Variants in ACTN4 observed in about 807,000 individuals in gnomAD.
ACTN4 encodes the protein alpha-actinin-4.
A neutral mutation model predicts 114.2 loss-of-function variants in ACTN4; 18 were observed. The ratio of observed to expected loss-of-function variants is 0.16; its 90% CI spans 0.11 to 0.23. ACTN4 has a LOEUF of 0.23. ACTN4 is among the 10% of genes least tolerant of loss of function. ACTN4 has a pLI of 1.00. For synonymous variants in ACTN4, 515 were observed against 506.3 expected (o/e 1.02, Z -0.23); for missense variants, 722 against 1,262.9 (o/e 0.57, Z 6.49).
At position 38,673,743 on chromosome 19, in the gene ACTN4, ATTTATATATATT is replaced by A. The variant is rs1470574282; in HGVS notation, c.162+25848_162+25859del. Among the ~76,000 whole-genome samples the A allele has an allele frequency of 2.7e-3, 251 of 93,454 alleles. 12 individuals are homozygous for A. The highest frequency in any genetic ancestry group is 8.8e-3 in the African/African-American group (240 of 27,288). 61.3% of individuals were successfully genotyped at this position (93,454 alleles called of 152,430 possible). ...TATATATACTTATATATATTTATAT[ATTTATATATATT>A]TTTATATATATATATTTATATATGT... On this transcript the variant is annotated intron_variant, in intron 1 of 20. Transcript: ENST00000252699.
intron 11 of ACTN4, among the ~76,000 whole-genome samples, chr19:38,720,210 G>A (rs1231416456): frequency 6.6e-6 from 1 of 152,348 alleles, no homozygotes; most frequent in African/African-American, 2.4e-5. Context: ...CGGGAGGGTC[G>A]TCGTGGATGC....
intron 1 of ACTN4, among the ~76,000 whole-genome samples, chr19:38,681,264 A>G (rs138919983): frequency 3.3e-5 from 5 of 152,096 alleles, no homozygotes; most frequent in East Asian, 1.9e-4. Flanking sequence ...AAATGCTCCA[A>G]CGTTGGCTCT....
Position 38,700,188 on chromosome 19 carries a change from C to G in ACTN4, c.163-412C>G, listed in dbSNP as rs187748693. 2.6e-5 allele frequency among the ~76,000 whole-genome samples: 4 copies of G among 152,244 alleles called. No individual in the cohort carries two copies. In the East Asian group the frequency reaches 7.7e-4, roughly 29 times the overall value. ...GCCCGACCTGTTCATTCCACACCAC[C>G]GAGCCTGGTGCTCAGTCATGTTTGT... On this transcript the variant is annotated intron_variant, in intron 1 of 20. Coordinates refer to ENST00000252699, the MANE Select transcript of ACTN4 (RefSeq NM_004924.6).
In ACTN4 at chr19:38,724,049, T is replaced by C; in HGVS notation, c.1664T>C (p.Phe555Ser). 6.2e-7 allele frequency: 1 copy of C among 1,613,754 alleles called. No homozygotes were observed. The highest frequency in any genetic ancestry group is 8.5e-7 in the Non-Finnish European group (1 of 1,179,992). The change falls in exon 14 of 21, where the codon TTC becomes TCC. Residue 555 changes from phenylalanine (F) to serine (S), a missense_variant. By Grantham distance (155) the Phe-to-Ser change is radical (BLOSUM62 -2). Coordinates refer to ENST00000252699, the MANE Select transcript of ACTN4 (RefSeq NM_004924.6). This position sits in a 1 kb window ranked among gnomAD's most constrained non-coding sequence, Gnocchi z 7.0. ...GCCATGGAGGACCTCCAGGACATGT[T>C]CATCGTCCATACCATCGAGGAGATT... ...ESAMEDLQDMFIVHTIEEIEG... is the reference protein window; with the variant it reads ...ESAMEDLQDMSIVHTIEEIEG...
chr19:38,691,406 A>AAAAAAAAAC (rs947259111), intron 1 of ACTN4, among the ~76,000 whole-genome samples: 22 of 147,874 alleles, frequency 1.5e-4, no homozygotes, highest in African/African-American at 5.1e-4. Context: ...CGTCTCAAAA[A>AAAAAAAAAC]AAAAAAAACA....
Position 38,731,344 on chromosome 19 carries a change from C to G in ACTN4, c.*1912C>G. 1 of 739,812 alleles carries G rather than the reference C, an allele frequency of 1.4e-6. No homozygotes were observed. The highest frequency in any genetic ancestry group is 2.4e-6 in the Non-Finnish European group (1 of 422,256). The allele number at this position is 739,812 out of a possible 1,614,324, so 45.8% of individuals were successfully genotyped here. ...CAGGGTGTCACACCCCAACTCTGCC[C>G]CATCCCGGCAGGGTGAGTACAGGCT... On this transcript the variant is annotated 3_prime_UTR_variant, in exon 21 of 21. Transcript: ENST00000252699.
chr19:38,685,468 C>T (rs1967713980), intron 1 of ACTN4, among the ~76,000 whole-genome samples: 1 of 152,196 alleles, frequency 6.6e-6, no homozygotes, highest in Non-Finnish European at 1.5e-5. Context: ...CTGTGAGGTG[C>T]AGGCCTGGAG....
At position 38,723,920 on chromosome 19, in the gene ACTN4, TC is replaced by T. The variant is rs780946364; in HGVS notation, c.1552-14del. The T allele has an allele frequency of 6.2e-7, 1 of 1,612,310 alleles. No homozygotes were observed. Among genetic ancestry groups the T allele is most frequent in the South Asian group, 1.1e-5 (1 of 91,040 alleles). ...TGCCTTCCCTCTGTCCCTGCCCCCT[TC>T]CCTCCCACACACTAGAAAACAGAGA... On this transcript the variant is annotated splice_polypyrimidine_tract_variant and intron_variant, in intron 13 of 20. Transcript: ENST00000252699.
chr19:38,705,234 C>T (rs963055947), intron 4 of ACTN4, among the ~76,000 whole-genome samples: 1 of 152,228 alleles, frequency 6.6e-6, no homozygotes, highest in African/African-American at 2.4e-5. Flanking sequence ...AGTGCCTTTG[C>T]TCTCACAGCC....
chr19:38,716,105 A>G (rs1363523316), intron 9 of ACTN4, among the ~76,000 whole-genome samples: 1 of 152,048 alleles, frequency 6.6e-6, no homozygotes, highest in African/African-American at 2.4e-5. Flanking sequence ...GGGTTTCACC[A>G]TGTTGGTCAG....
chr19:38,673,581 A>T (rs1414113100), intron 1 of ACTN4, among the ~76,000 whole-genome samples: 2 of 117,516 alleles, frequency 1.7e-5, no homozygotes, highest in Admixed American at 1.1e-4. Context: ...ATATATTCAT[A>T]TATATTTATA....
At chr19:38,718,154 A>G in intron 11 of ACTN4, 80 bp downstream of exon 11, 2 of 1,551,380 alleles carry the variant, frequency 1.3e-6, no homozygotes, top group Middle Eastern at 1.7e-4. Flanking sequence ...ATGGGTGTGC[A>G]CACACAGCCC....
At chr19:38,689,734 C>T (rs1017905051) in intron 1 of ACTN4, among the ~76,000 whole-genome samples, 3 of 152,004 alleles carry the variant, frequency 2.0e-5, no homozygotes, top group African/African-American at 7.2e-5. Context: ...AGTGCAGTGG[C>T]GCGATCTTGG....
intron 1 of ACTN4, among the ~76,000 whole-genome samples, chr19:38,654,676 G>T (rs1976664085): frequency 6.6e-6 from 1 of 151,988 alleles, no homozygotes; most frequent in South Asian, 2.1e-4. Context: ...GTTTCCCTGG[G>T]ATTATAAAAA....
At chr19:38,676,977 G>T (rs1361237273) in intron 1 of ACTN4, among the ~76,000 whole-genome samples, 1 of 152,138 alleles carries the variant, frequency 6.6e-6, no homozygotes, top group Non-Finnish European at 1.5e-5. Flanking sequence ...GGCCCTGCAG[G>T]ATCTGTTTTC....
chr19:38,691,034 T>C (rs1267195881), intron 1 of ACTN4, among the ~76,000 whole-genome samples: 1 of 152,168 alleles, frequency 6.6e-6, no homozygotes, highest in Non-Finnish European at 1.5e-5. Context: ...AGAACCCTCC[T>C]CTGGGGAGCT....
At chr19:38,670,634 T>G (rs1288406399) in intron 1 of ACTN4, among the ~76,000 whole-genome samples, 2 of 151,940 alleles carry the variant, frequency 1.3e-5, no homozygotes, top group African/African-American at 4.8e-5. Context: ...TCATTCAACT[T>G]AAAAACCTGG....
chr19:38,726,947 CTT>C lies in ACTN4; in HGVS notation c.2191-8_2191-7del, dbSNP rs1296333463. Reference sequence around the variant, plus strand: ...ACCCGGCCCACGATCACGCCCCCGTCTTTCCGCAGCACATCCGCGTGGGCTGG... The same window carrying C: ...ACCCGGCCCACGATCACGCCCCCGTCTCCGCAGCACATCCGCGTGGGCTGG... On this transcript the variant is annotated splice_polypyrimidine_tract_variant and splice_region_variant and intron_variant, in intron 17 of 20. Transcript: ENST00000252699. 1 of 1,613,734 alleles carries C rather than the reference CTT, an allele frequency of 6.2e-7. No homozygotes were observed. The highest frequency in any genetic ancestry group is 2.2e-5 in the East Asian group (1 of 44,900).
chr19:38,649,547 G>A (rs1225699587), intron 1 of ACTN4, among the ~76,000 whole-genome samples: 1 of 152,164 alleles, frequency 6.6e-6, no homozygotes, highest in African/African-American at 2.4e-5. Context: ...AATGCAAAGG[G>A]ATCCGAGGGT....
Sources: gnomAD v4.1 joint callset for allele counts (sites outside exome capture counted in the v4.1 genomes callset) on GRCh38, gnomAD v4.1.1 for gene constraint, Gnocchi (gnomAD v3.1) non-coding constraint, MANE v1.5 for transcripts, NCBI Gene and HGNC (gene_info 2026-07-23, HGNC 2026-07-21) for gene names.